PRKG1: variants seen among roughly 807,000 people sequenced by gnomAD.
PRKG1 encodes the protein protein kinase cGMP-dependent 1, also known as cGMP-dependent protein kinase 1.
A neutral mutation model predicts 88.1 loss-of-function variants in PRKG1; 35 were observed. The observed-to-expected ratio is 0.40, with a 90% CI of 0.30 to 0.53. The LOEUF (loss-of-function observed/expected upper bound fraction) is 0.53. Ranked by LOEUF, PRKG1 falls within the 20% of genes least tolerant of loss-of-function variation. The pLI, the probability that PRKG1 is intolerant of heterozygous loss-of-function variation, is 0.59. For missense variants in PRKG1, 540 were observed against 839.8 expected, an observed-to-expected ratio of 0.64 and a Z score of 4.41; for synonymous variants, 303 against 292.5, an observed-to-expected ratio of 1.04 and a Z score of -0.37.
intron 1 of PRKG1, among the ~76,000 whole-genome samples, chr10:51,093,052 A>G (rs1389901655): frequency 6.6e-6 from 1 of 152,168 alleles, no homozygotes; most frequent in African/African-American, 2.4e-5. Context: ...GTGCAGGTTG[A>G]TACTGTTTCC....
At chr10:51,193,447 G>A (rs774285240) in intron 2 of PRKG1, among the ~76,000 whole-genome samples, 4 of 151,836 alleles carry the variant, frequency 2.6e-5, no homozygotes, top group South Asian at 2.1e-4. Context: ...AACCACTGCC[G>A]CAGATTTTAT....
intron 3 of PRKG1, among the ~76,000 whole-genome samples, chr10:51,721,614 A>C (rs1403495407): frequency 6.6e-6 from 1 of 152,216 alleles, no homozygotes; most frequent in Non-Finnish European, 1.5e-5. Flanking sequence ...TCTTTAGTGC[A>C]CGAGGCTCAC....
intron 5 of PRKG1, among the ~76,000 whole-genome samples, chr10:52,000,974 A>G (rs1448046620): frequency 6.6e-6 from 1 of 151,980 alleles, no homozygotes; most frequent in East Asian, 1.9e-4. Context: ...TGTACCCTGA[A>G]GTTTTGTACC....
intron 2 of PRKG1, among the ~76,000 whole-genome samples, chr10:51,270,836 A>G (rs1337817583): frequency 2.6e-5 from 4 of 152,146 alleles, no homozygotes; most frequent in Admixed American, 2.0e-4. Context: ...GAGGGAAAAT[A>G]TAAGGGAATC....
chr10:51,722,906 G>A (rs1321052612), intron 3 of PRKG1, among the ~76,000 whole-genome samples: 1 of 152,138 alleles, frequency 6.6e-6, no homozygotes, highest in African/African-American at 2.4e-5. Flanking sequence ...TAAACAGGTA[G>A]AATTCTTCTG....
intron 3 of PRKG1, among the ~76,000 whole-genome samples, chr10:51,506,310 C>G (rs1841202261): frequency 6.6e-6 from 1 of 152,108 alleles, no homozygotes; most frequent in South Asian, 2.1e-4. Flanking sequence ...CAAATGGGAT[C>G]TAATTAAACT....
At chr10:51,399,199 T>C (rs1316610515) in intron 2 of PRKG1, among the ~76,000 whole-genome samples, 1 of 151,926 alleles carries the variant, frequency 6.6e-6, no homozygotes, top group Non-Finnish European at 1.5e-5. Context: ...ATATGAAGGA[T>C]AATTTTATAT....
chr10:51,210,860 T>G (rs1001345632), intron 2 of PRKG1, among the ~76,000 whole-genome samples: 1 of 152,110 alleles, frequency 6.6e-6, no homozygotes, highest in Admixed American at 6.5e-5. Context: ...ACCAGATGGA[T>G]TCACAGCCGA....
At chr10:52,090,921 T>C (rs1463418829) in intron 7 of PRKG1, among the ~76,000 whole-genome samples, 1 of 152,246 alleles carries the variant, frequency 6.6e-6, no homozygotes, top group East Asian at 1.9e-4. Flanking sequence ...CCAAGTACAT[T>C]TGTCAATGCT....
intron 2 of PRKG1, among the ~76,000 whole-genome samples, chr10:51,288,305 T>C (rs1174284327): frequency 6.6e-6 from 1 of 152,078 alleles, no homozygotes; most frequent in Non-Finnish European, 1.5e-5. Context: ...TCTATTGTTA[T>C]GCACTGAAAG....
chr10:52,136,598 A>C (rs1250952548), intron 8 of PRKG1, among the ~76,000 whole-genome samples: 5 of 152,070 alleles, frequency 3.3e-5, no homozygotes, highest in Non-Finnish European at 7.4e-5. Context: ...TTACAAGAAT[A>C]TGGGTAAATT....
At chr10:51,709,944 A>G (rs78134668) in intron 3 of PRKG1, among the ~76,000 whole-genome samples, 193 of 150,712 alleles carry the variant, frequency 1.3e-3, no homozygotes, top group South Asian at 3.6e-3. Flanking sequence ...GCTTTAGGAT[A>G]CTAAAGCTAG....
At chr10:52,185,044 C>T (rs997075061) in intron 9 of PRKG1, 2 of 152,160 alleles carry the variant, frequency 1.3e-5, no homozygotes, top group Non-Finnish European at 2.9e-5. Context: ...AATCTTATGT[C>T]CTCACATTGC....
chr10:52,207,235 G>T (rs936369988), intron 9 of PRKG1, among the ~76,000 whole-genome samples: 1 of 152,134 alleles, frequency 6.6e-6, no homozygotes, highest in Non-Finnish European at 1.5e-5. Context: ...TGCTAGCAGA[G>T]CAGGAGCGGG....
chr10:52,127,983 T>C (rs1037429762), intron 7 of PRKG1: 4 of 953,020 alleles, frequency 4.2e-6, no homozygotes, highest in Non-Finnish European at 5.0e-6. Context: ...TTCTTGTTTA[T>C]AATTAATTTA....
chr10:51,926,750 G>GTTTTT (rs11324214), intron 5 of PRKG1, among the ~76,000 whole-genome samples: 55 of 141,302 alleles, frequency 3.9e-4, no homozygotes, highest in South Asian at 2.0e-3. Context: ...GCCTAGCATA[G>GTTTTT]TTTTTTTTTT....
chr10:52,254,960 G>A (rs1399902607), intron 10 of PRKG1, among the ~76,000 whole-genome samples: 1 of 152,044 alleles, frequency 6.6e-6, no homozygotes, highest in Non-Finnish European at 1.5e-5. Flanking sequence ...ACAGTATCCT[G>A]TTCACAACCA....
At chr10:51,341,026 T>C (rs2132547388) in intron 2 of PRKG1, among the ~76,000 whole-genome samples, 1 of 152,298 alleles carries the variant, frequency 6.6e-6, no homozygotes, top group Non-Finnish European at 1.5e-5. Flanking sequence ...AAAGAGTCTC[T>C]ACTCCATACA....
At chr10:51,248,099 G>A (rs1171047061) in intron 2 of PRKG1, among the ~76,000 whole-genome samples, 1 of 151,876 alleles carries the variant, frequency 6.6e-6, no homozygotes, top group Non-Finnish European at 1.5e-5. Context: ...TAGAAGGACT[G>A]AATTTATCTG....
Sources: allele counts gnomAD v4.1 joint callset (sites outside exome capture counted in the v4.1 genomes callset), GRCh38; gene constraint gnomAD v4.1.1; transcripts MANE v1.5; gene names NCBI Gene and HGNC (gene_info 2026-07-23, HGNC 2026-07-21).